METTL15: variants seen among roughly 807,000 people sequenced by gnomAD.
METTL15 encodes 12S rRNA N(4)-cytidine methyltransferase METTL15.
In METTL15, 34 loss-of-function variants were observed where a neutral mutation model predicts 38.3. That is an observed-to-expected ratio of 0.89 (90% CI 0.68 to 1.18). The LOEUF (loss-of-function observed/expected upper bound fraction) is 1.18. Ranked by LOEUF, METTL15 falls within the 50% of genes most tolerant of loss-of-function variation. The pLI, the probability that METTL15 is intolerant of heterozygous loss-of-function variation, is 0.00. For missense variants in METTL15, 438 were observed against 498.4 expected (o/e 0.88, Z 1.15); for synonymous variants, 162 against 170.9 (o/e 0.95, Z 0.41).
chr11:28,123,880 G>A (rs1852357285), intron 3 of METTL15: 8 of 1,472,924 alleles, frequency 5.4e-6, no homozygotes, highest in Non-Finnish European at 7.3e-6. Context: ...GTAAACTGTG[G>A]ATATTTAATA....
chr11:28,423,954 C>G (rs915994916), intron 5 of METTL15, among the ~76,000 whole-genome samples: 2 of 151,984 alleles, frequency 1.3e-5, no homozygotes, highest in Non-Finnish European at 2.9e-5. Flanking sequence ...ATCAAAATAT[C>G]CCATATACCC....
intron 3 of METTL15, among the ~76,000 whole-genome samples, chr11:28,200,790 C>T (rs1329011518): frequency 6.6e-6 from 1 of 152,068 alleles, no homozygotes; most frequent in Non-Finnish European, 1.5e-5. Context: ...AATTGCTTAT[C>T]AGCTTGAGTT....
At chr11:28,115,827 G>T (rs555342254) in intron 3 of METTL15, among the ~76,000 whole-genome samples, 1 of 151,648 alleles carries the variant, frequency 6.6e-6, no homozygotes, top group South Asian at 2.1e-4. Context: ...AACCTGTGTT[G>T]TTCAAGGATA....
intron 5 of METTL15, among the ~76,000 whole-genome samples, chr11:28,402,310 G>T (rs1177780070): frequency 6.6e-6 from 1 of 151,954 alleles, no homozygotes; most frequent in Non-Finnish European, 1.5e-5. Context: ...TCTCCTAGCT[G>T]ATCCCCTTGC....
chr11:28,377,970 G>A (rs1303453148), intron 5 of METTL15, among the ~76,000 whole-genome samples: 3 of 152,116 alleles, frequency 2.0e-5, no homozygotes, highest in Non-Finnish European at 1.5e-5. Context: ...GGCTGCTCGG[G>A]GGTCAGGGGT....
At chr11:28,468,771 A>G (rs1021704196) in intron 6 of METTL15, among the ~76,000 whole-genome samples, 19 of 152,082 alleles carry the variant, frequency 1.2e-4, no homozygotes, top group African/African-American at 3.6e-4. Context: ...CACAATTTAC[A>G]TATGATTCCA....
chr11:28,372,322 A>G (rs765608572), intron 5 of METTL15, among the ~76,000 whole-genome samples: 6 of 152,092 alleles, frequency 3.9e-5, no homozygotes, highest in Non-Finnish European at 8.8e-5. Context: ...CCTGGGAAGA[A>G]TCTCACTTGA....
At chr11:28,401,407 A>G (rs1165222365) in intron 5 of METTL15, among the ~76,000 whole-genome samples, 2 of 151,852 alleles carry the variant, frequency 1.3e-5, no homozygotes, top group South Asian at 2.1e-4. Flanking sequence ...AATTTTTTCA[A>G]ATTTAGAGAA....
Position 28,204,891 on chromosome 11 carries a change from A to G in METTL15, c.271-6171A>G, listed in dbSNP as rs184178446. On this transcript the variant is annotated intron_variant, in intron 3 of 6. Transcript: ENST00000407364. ...GTGAAATAACCAGAATAAACTTAGT[A>G]TTAAAATGTGAGTTTTGTTTATAGA... Among the ~76,000 whole-genome samples, 1,293 of 152,124 alleles carry G rather than the reference A, an allele frequency of 8.5e-3. 14 individuals are homozygous for G. Among genetic ancestry groups the G allele is most frequent in the Non-Finnish European group, 0.011 (722 of 67,992 alleles).
chr11:28,364,745 T>C (rs1300403834), intron 5 of METTL15, among the ~76,000 whole-genome samples: 1 of 152,230 alleles, frequency 6.6e-6, no homozygotes, highest in Non-Finnish European at 1.5e-5. Context: ...AGAGTAGGCA[T>C]CTTTGTCTTG....
intron 6 of METTL15, among the ~76,000 whole-genome samples, chr11:28,471,465 T>C (rs924560099): frequency 2.3e-4 from 35 of 152,176 alleles, no homozygotes; most frequent in Admixed American, 1.9e-3. Flanking sequence ...TCTGAATCAA[T>C]AGAATAACTC....
At chr11:28,337,455 A>G (rs1849911243), downstream of METTL15, among the ~76,000 whole-genome samples, 1 of 151,966 alleles carries the variant, frequency 6.6e-6, no homozygotes, top group South Asian at 2.1e-4. Flanking sequence ...CAATCAAGCA[A>G]TCCTCCCACC....
At chr11:28,259,341 T>C (rs929422848) in intron 4 of METTL15, among the ~76,000 whole-genome samples, 2 of 151,972 alleles carry the variant, frequency 1.3e-5, no homozygotes, top group African/African-American at 2.4e-5. Flanking sequence ...TAGCCTAGCG[T>C]TAGGGGAGGG....
intron 4 of METTL15, among the ~76,000 whole-genome samples, chr11:28,274,549 T>C (rs551904431): frequency 1.3e-5 from 2 of 152,126 alleles, no homozygotes; most frequent in East Asian, 3.9e-4. Flanking sequence ...ATTAAACTTA[T>C]TTTATATTAA....
At chr11:28,459,803 A>G (rs1169922341) in intron 6 of METTL15, among the ~76,000 whole-genome samples, 4 of 152,036 alleles carry the variant, frequency 2.6e-5, no homozygotes, top group African/African-American at 2.4e-5. Flanking sequence ...AGATAAGTGT[A>G]TGTTTGTCCC....
At chr11:28,492,799 G>T (rs1851507282) in intron 6 of METTL15, among the ~76,000 whole-genome samples, 1 of 152,138 alleles carries the variant, frequency 6.6e-6, no homozygotes, top group South Asian at 2.1e-4. Flanking sequence ...GGTATGTGAG[G>T]CACCTAGTAT....
chr11:28,142,364 T>C (rs939370677), intron 3 of METTL15, among the ~76,000 whole-genome samples: 1 of 152,308 alleles, frequency 6.6e-6, no homozygotes, highest in East Asian at 1.9e-4. Flanking sequence ...TAACTATTAA[T>C]ATCAGGTTAC....
At chr11:28,371,014 T>A (rs1850238121) in intron 5 of METTL15, among the ~76,000 whole-genome samples, 1 of 152,110 alleles carries the variant, frequency 6.6e-6, no homozygotes, top group South Asian at 2.1e-4. Context: ...GTCTCTTCAC[T>A]TTATTGATTG....
intron 6 of METTL15, chr11:28,328,065 A>G (rs781179528): frequency 1.3e-6 from 2 of 1,593,816 alleles, no homozygotes; most frequent in South Asian, 2.3e-5. Flanking sequence ...CCTATTTTAC[A>G]TGAAAATATA....
Sources: gnomAD v4.1 joint callset for allele counts (sites outside exome capture counted in the v4.1 genomes callset) on GRCh38, gnomAD v4.1.1 for gene constraint, MANE v1.5 for transcripts, NCBI Gene and HGNC (gene_info 2026-07-23, HGNC 2026-07-21) for gene names.